The following SLC12A6 variants were observed in gnomAD, a reference collection of about 807,000 sequenced individuals.
SLC12A6 encodes the protein K-Cl cotransporter 3.
Under a neutral mutation model 135.3 loss-of-function variants are expected in SLC12A6, and 66 were observed. The observed-to-expected ratio is 0.49, with a 90% CI of 0.40 to 0.60. The LOEUF is 0.60. Ranked by LOEUF, SLC12A6 falls within the 20% of genes least tolerant of loss-of-function variation. The pLI, the probability that SLC12A6 is intolerant of heterozygous loss-of-function variation, is 0.00. For missense variants in SLC12A6, 1,058 were observed against 1,452.3 expected (o/e 0.73, Z 4.41); for synonymous variants, 513 against 508.8 (o/e 1.01, Z -0.11).
chr15:34,285,986 G>A (rs1895047134), intron 2 of SLC12A6, among the ~76,000 whole-genome samples: 1 of 151,058 alleles, frequency 6.6e-6, no homozygotes, highest in Non-Finnish European at 1.5e-5. Flanking sequence ...AAATGAAAAA[G>A]TTCTGGAGAT....
At position 34,237,292 on chromosome 15, in the gene SLC12A6, T is replaced by C. The variant is rs553754655; in HGVS notation, c.2934+127A>G. The C allele has an allele frequency of 2.4e-5, 18 of 742,476 alleles. 1 individual carries two copies. The African/African-American group carries it at 3.0e-4, about 13-fold the overall frequency. The allele number at this position is 742,476 out of a possible 1,614,324, so 46.0% of individuals were successfully genotyped here. ...ACAAATTAGGGTTTTTTTTTGTTTT[T>C]TTTTTGGCACTAGGGGATTAATCCA... On this transcript the variant is annotated intron_variant, in intron 22 of 25. Transcript: ENST00000354181.
At chr15:34,257,129 G>T (rs1184321239) in intron 6 of SLC12A6, among the ~76,000 whole-genome samples, 1 of 152,140 alleles carries the variant, frequency 6.6e-6, no homozygotes, top group African/African-American at 2.4e-5. Context: ...TACATAATGA[G>T]AAGTTTAAAT....
At chr15:34,301,443 C>A (rs1896250655) in intron 2 of SLC12A6, among the ~76,000 whole-genome samples, 1 of 152,130 alleles carries the variant, frequency 6.6e-6, no homozygotes, top group Admixed American at 6.5e-5. Flanking sequence ...AGACCAAGGG[C>A]TCAGAATGCT....
chr15:34,265,518 T>TAGGGAGGGGAATGACGACTTCATG (rs1893450128), intron 3 of SLC12A6, among the ~76,000 whole-genome samples: 2 of 152,044 alleles, frequency 1.3e-5, no homozygotes, highest in Non-Finnish European at 2.9e-5. Flanking sequence ...AGACTGTGAC[T>TAGGGAGGGGAATGACGACTTCATG]AGGGAGGGGA....
At chr15:34,234,138 C>G (rs1380359646) in intron 25 of SLC12A6, among the ~76,000 whole-genome samples, 166 bp from the exon 26 acceptor site, 1 of 152,056 alleles carries the variant, frequency 6.6e-6, no homozygotes. Context: ...GTGAAGTAAC[C>G]AGAGATCCAG....
chr15:34,286,096 AAC>A (rs1401333384), intron 2 of SLC12A6, among the ~76,000 whole-genome samples: 1 of 151,882 alleles, frequency 6.6e-6, no homozygotes, highest in East Asian at 1.9e-4. Flanking sequence ...TTTCTTTTTA[AAC>A]AGTCTTGCTC....
intron 19 of SLC12A6, among the ~76,000 whole-genome samples, chr15:34,239,750 C>G (rs1891515526): frequency 2.2e-4 from 1 of 4,642 alleles, no homozygotes; most frequent in Admixed American, 4.3e-3. Flanking sequence ...TACTCTTACT[C>G]CACCCTGGGA....
chr15:34,291,982 C>T (rs1895567696), intron 2 of SLC12A6, among the ~76,000 whole-genome samples: 2 of 152,148 alleles, frequency 1.3e-5, no homozygotes, highest in Non-Finnish European at 2.9e-5. Flanking sequence ...AAGCCTACTT[C>T]TGTCAACCTG....
rs538486620 is a variant in SLC12A6, at chr15:34,232,159, T to G, written c.*1722A>C. On this transcript the variant is annotated 3_prime_UTR_variant, in exon 26 of 26. Coordinates refer to ENST00000354181, the MANE Select transcript of SLC12A6 (RefSeq NM_001365088.1). Reference sequence around the variant, plus strand: ...GCCAGCCACATAAGTAGTTTCCCTATGCTTGTAAGCCAGATGTTTGATCAG... The same window carrying G: ...GCCAGCCACATAAGTAGTTTCCCTAGGCTTGTAAGCCAGATGTTTGATCAG... The G allele has an allele frequency of 1.3e-5, 2 of 152,248 alleles. No homozygotes were observed. Among genetic ancestry groups the G allele is most frequent in the African/African-American group, 4.8e-5 (2 of 41,458 alleles). 9.4% of individuals were successfully genotyped at this position (152,248 alleles called of 1,614,324 possible). A position where few individuals can be genotyped will look rare whatever the true frequency, so the allele number is the denominator to read the frequency against.
At chr15:34,244,584 A>G (rs1433853106) in intron 15 of SLC12A6, among the ~76,000 whole-genome samples, 1 of 152,120 alleles carries the variant, frequency 6.6e-6, no homozygotes, top group Non-Finnish European at 1.5e-5. Flanking sequence ...GGGTCTACCT[A>G]CTTCTCTATT....
intron 4 of SLC12A6, among the ~76,000 whole-genome samples, chr15:34,259,306 G>A (rs973882370): frequency 1.1e-4 from 16 of 150,434 alleles, no homozygotes; most frequent in East Asian, 3.9e-4. Context: ...GCGCCACTGC[G>A]CTCCAGCCTG....
At chr15:34,322,568 G>T (rs1418705950) in intron 2 of SLC12A6, among the ~76,000 whole-genome samples, 1 of 152,048 alleles carries the variant, frequency 6.6e-6, no homozygotes, top group Non-Finnish European at 1.5e-5. Context: ...CATACAATAG[G>T]ATAGATGGAC....
At chr15:34,276,700 A>T (rs1443240509) in intron 2 of SLC12A6, among the ~76,000 whole-genome samples, 1 of 152,380 alleles carries the variant, frequency 6.6e-6, no homozygotes, top group East Asian at 1.9e-4. Context: ...AGGATTTTCT[A>T]CAGCTATGAT....
intron 2 of SLC12A6, among the ~76,000 whole-genome samples, chr15:34,319,953 T>A (rs1160311903): frequency 6.6e-6 from 1 of 151,964 alleles, no homozygotes; most frequent in African/African-American, 2.4e-5. Flanking sequence ...TAAAATAACA[T>A]ACTTAATTCT....
intron 15 of SLC12A6, among the ~76,000 whole-genome samples, chr15:34,244,997 A>T (rs1454986729): frequency 6.6e-6 from 1 of 152,236 alleles, no homozygotes; most frequent in Non-Finnish European, 1.5e-5. Context: ...AATAAGTCAT[A>T]GGTGAATAAA....
intron 2 of SLC12A6, among the ~76,000 whole-genome samples, chr15:34,324,696 G>C (rs1416667368): frequency 1.3e-5 from 2 of 152,084 alleles, no homozygotes; most frequent in African/African-American, 4.8e-5. Flanking sequence ...TCAATATAAG[G>C]ATTCTCTATC....
intron 3 of SLC12A6, among the ~76,000 whole-genome samples, chr15:34,261,871 T>G (rs1893156916): frequency 6.6e-6 from 1 of 152,216 alleles, no homozygotes; most frequent in South Asian, 2.1e-4. Context: ...TTGGCAAGGC[T>G]GTGGAGAAAA....
In SLC12A6 at chr15:34,256,270, G is replaced by T; in HGVS notation, c.704C>A (p.Ala235Asp). The T allele has an allele frequency of 6.2e-7, 1 of 1,604,280 alleles. No individual in the cohort carries two copies. The highest frequency in any genetic ancestry group is 8.5e-7 in the Non-Finnish European group (1 of 1,171,088). ...AGTGGCAATGGCACTCATGGAGATA[G>T]CAGTCAACATTGTCTGCAGAGAAAA... ...LICCCCTMLT[A>D]ISMSAIATNG... Residue 235 changes from alanine (A) to aspartate (D), a missense_variant, in exon 7 of 26, where the codon GCT becomes GAT. This residue lies in a region of SLC12A6 where 139 missense variants were observed against 202.2 expected (regional missense o/e 0.69). Transcript: ENST00000354181.
chr15:34,311,720 A>G (rs1390322650), intron 2 of SLC12A6, among the ~76,000 whole-genome samples: 3 of 152,220 alleles, frequency 2.0e-5, no homozygotes, highest in East Asian at 1.9e-4. Flanking sequence ...GATGAAATTA[A>G]TAACACTTCC....
Sources: gnomAD v4.1 joint callset for allele counts (sites outside exome capture counted in the v4.1 genomes callset) on GRCh38, gnomAD v4.1.1 for gene constraint, gnomAD v4.1.1 regional missense constraint, MANE v1.5 for transcripts, NCBI Gene and HGNC (gene_info 2026-07-23, HGNC 2026-07-21) for gene names.